Variants in SGCZ observed in about 807,000 individuals in gnomAD.
The protein encoded by SGCZ is zeta-sarcoglycan.
In SGCZ, 40 loss-of-function variants were observed where a neutral mutation model predicts 41.3. The ratio of observed to expected loss-of-function variants is 0.97; its 90% CI spans 0.75 to 1.26. The LOEUF is 1.26. SGCZ is among the 50% of genes most tolerant of loss of function. The pLI is 0.00. For synonymous variants in SGCZ, 206 were observed against 137.5 expected (o/e 1.50, Z -3.49); for missense variants, 552 against 369.8 (o/e 1.49, Z -4.04).
At chr8:14,237,184 A>C (rs17118852) in intron 4 of SGCZ, among the ~76,000 whole-genome samples, 1 of 152,126 alleles carries the variant, frequency 6.6e-6, no homozygotes, top group Non-Finnish European at 1.5e-5. Context: ...TGCATTTCAT[A>C]ATTCAAGAGT....
chr8:15,107,979 T>C (rs1806895232), intron 1 of SGCZ, among the ~76,000 whole-genome samples: 1 of 152,220 alleles, frequency 6.6e-6, no homozygotes, highest in Non-Finnish European at 1.5e-5. Flanking sequence ...GTTGTAGTTA[T>C]TCTGCTGATC....
At chr8:14,950,928 C>A (rs1800614787) in intron 1 of SGCZ, among the ~76,000 whole-genome samples, 2 of 151,898 alleles carry the variant, frequency 1.3e-5, no homozygotes, top group Admixed American at 1.3e-4. Flanking sequence ...TTAATGAATA[C>A]TCTAGGCTAA....
At chr8:14,192,978 C>A (rs916157613) in intron 4 of SGCZ, among the ~76,000 whole-genome samples, 1 of 151,972 alleles carries the variant, frequency 6.6e-6, no homozygotes, top group African/African-American at 2.4e-5. Context: ...GCCACAGTTA[C>A]ATATATGCTG....
At chr8:14,276,291 C>T (rs1299247446) in intron 3 of SGCZ, among the ~76,000 whole-genome samples, 1 of 152,084 alleles carries the variant, frequency 6.6e-6, no homozygotes, top group African/African-American at 2.4e-5. Flanking sequence ...TTAAATGATT[C>T]CATTGAATCA....
intron 5 of SGCZ, among the ~76,000 whole-genome samples, chr8:14,152,921 C>G (rs780917019): frequency 4.6e-5 from 7 of 151,942 alleles, no homozygotes; most frequent in Non-Finnish European, 1.0e-4. Flanking sequence ...AAAGAAAATC[C>G]GGAAAGGTAA....
intron 1 of SGCZ, among the ~76,000 whole-genome samples, chr8:14,787,230 G>A (rs1028869417): frequency 4.5e-4 from 68 of 152,050 alleles, no homozygotes; most frequent in Non-Finnish European, 5.9e-5. Context: ...CGAAGACTTC[G>A]GGGGAAATGT....
At chr8:14,453,737 A>G (rs1800663868) in intron 2 of SGCZ, among the ~76,000 whole-genome samples, 1 of 152,232 alleles carries the variant, frequency 6.6e-6, no homozygotes, top group Admixed American at 6.5e-5. Context: ...TCTCATCTTT[A>G]ACAATGTTCA....
chr8:14,241,926 T>C (rs1023361145), intron 3 of SGCZ, among the ~76,000 whole-genome samples: 1 of 152,256 alleles, frequency 6.6e-6, no homozygotes, highest in Non-Finnish European at 1.5e-5. Flanking sequence ...ATTTTTTCTT[T>C]TTATTTCTAT....
chr8:14,410,029 A>G (rs1003991292), intron 2 of SGCZ, among the ~76,000 whole-genome samples: 3 of 152,128 alleles, frequency 2.0e-5, no homozygotes, highest in South Asian at 2.1e-4. Flanking sequence ...GCCACATAGC[A>G]GGAAGTAACC....
chr8:14,473,150 A>T (rs1801260230), intron 2 of SGCZ, among the ~76,000 whole-genome samples: 1 of 152,202 alleles, frequency 6.6e-6, no homozygotes, highest in Non-Finnish European at 1.5e-5. Context: ...AATCTATAAT[A>T]AAATTCACAC....
intron 4 of SGCZ, among the ~76,000 whole-genome samples, chr8:14,234,851 G>T (rs1355510536): frequency 1.3e-5 from 2 of 151,964 alleles, no homozygotes; most frequent in African/African-American, 4.8e-5. Flanking sequence ...TCTGAACATG[G>T]GATACACTTT....
At chr8:14,590,653 G>A (rs911420688) in intron 1 of SGCZ, among the ~76,000 whole-genome samples, 28 of 149,232 alleles carry the variant, frequency 1.9e-4, no homozygotes, top group African/African-American at 6.1e-4. Flanking sequence ...ATCTTCAATC[G>A]AGTTGTATAT....
chr8:15,082,689 T>C (rs144892693), intron 1 of SGCZ, among the ~76,000 whole-genome samples: 24 of 152,264 alleles, frequency 1.6e-4, no homozygotes, highest in African/African-American at 5.8e-4. Flanking sequence ...GCAATTTACA[T>C]CTATTATCCC....
chr8:14,386,368 T>A (rs766174044), intron 2 of SGCZ, among the ~76,000 whole-genome samples: 54 of 151,978 alleles, frequency 3.6e-4, no homozygotes, highest in Non-Finnish European at 6.9e-4. Context: ...TAAAACTGGT[T>A]GTGGTCCACA....
chr8:15,222,480 G>A (rs1294004659), intron 1 of SGCZ, among the ~76,000 whole-genome samples: 1 of 152,068 alleles, frequency 6.6e-6, no homozygotes, highest in African/African-American at 2.4e-5. Context: ...TGCTTGGCTA[G>A]CAAATCTGAT....
At chr8:14,547,277 T>C (rs1035688636) in intron 2 of SGCZ, among the ~76,000 whole-genome samples, 2 of 152,140 alleles carry the variant, frequency 1.3e-5, no homozygotes, top group Admixed American at 6.6e-5. Flanking sequence ...CAAAAGAAGA[T>C]TAGCTCGCTC....
At chr8:14,215,040 C>T (rs1435203703) in intron 4 of SGCZ, among the ~76,000 whole-genome samples, 1 of 152,116 alleles carries the variant, frequency 6.6e-6, no homozygotes, top group East Asian at 1.9e-4. Context: ...ATATAGAGCA[C>T]TTCACTAAAC....
At chr8:14,852,245 A>G (rs1803356049) in intron 1 of SGCZ, among the ~76,000 whole-genome samples, 1 of 152,200 alleles carries the variant, frequency 6.6e-6, no homozygotes, top group Non-Finnish European at 1.5e-5. Flanking sequence ...AGCATGTACT[A>G]TATTGCCTTA....
chr8:15,150,335 G>T (rs1165604819), intron 1 of SGCZ, among the ~76,000 whole-genome samples: 1 of 152,198 alleles, frequency 6.6e-6, no homozygotes, highest in East Asian at 1.9e-4. Context: ...GTTTCAGTTA[G>T]ACCCTGGTTG....
Sources: allele counts gnomAD v4.1 joint callset (sites outside exome capture counted in the v4.1 genomes callset), GRCh38; gene constraint gnomAD v4.1.1; transcripts MANE v1.5; gene names NCBI Gene and HGNC (gene_info 2026-07-23, HGNC 2026-07-21).